The following ABHD6 variants were observed in gnomAD, a reference collection of about 807,000 sequenced individuals.
ABHD6 encodes abhydrolase domain containing 6, acylglycerol lipase.
Under a neutral mutation model 38.8 loss-of-function variants are expected in ABHD6, and 33 were observed. The ratio of observed to expected loss-of-function variants is 0.85; its 90% CI spans 0.64 to 1.14. The LOEUF is 1.14. ABHD6 is among the 50% of genes most tolerant of loss of function. The pLI, the probability that ABHD6 is intolerant of heterozygous loss-of-function variation, is 0.00. For synonymous variants in ABHD6, 147 were observed against 161.6 expected, an observed-to-expected ratio of 0.91 and a Z score of 0.69; for missense variants, 380 against 422.6, an observed-to-expected ratio of 0.90 and a Z score of 0.88.
At chr3:58,268,507 G>A (rs2097442618) in intron 4 of ABHD6, among the ~76,000 whole-genome samples, 1 of 152,152 alleles carries the variant, frequency 6.6e-6, no homozygotes, top group South Asian at 2.1e-4. Flanking sequence ...TGAAGGTTGG[G>A]GCTGGCAGAA....
rs1372461437 is a variant in ABHD6 at position 58,294,236 on chromosome 3, A to G, written c.*471A>G. On this transcript the variant is annotated 3_prime_UTR_variant, in exon 10 of 10. Transcript: ENST00000478253. ...TGTTTAGGTCTAATTTAAGTTTTAC[A>G]TAGAGACCCATGTATGACTGCAGCC... 1 of 153,708 alleles carries G rather than the reference A, an allele frequency of 6.5e-6. No homozygotes were observed. Among genetic ancestry groups the G allele is most frequent in the Non-Finnish European group, 1.4e-5 (1 of 69,058 alleles). The allele number at this position is 153,708 out of a possible 1,614,324, so 9.5% of individuals were successfully genotyped here. A position where few individuals can be genotyped will look rare whatever the true frequency, so the allele number is the denominator to read the frequency against.
At chr3:58,278,826 AC>A (rs1264967860) in intron 7 of ABHD6, among the ~76,000 whole-genome samples, 1 of 152,224 alleles carries the variant, frequency 6.6e-6, no homozygotes, top group Non-Finnish European at 1.5e-5. Context: ...GTTTCAAAGA[AC>A]ATCTTTATTT....
At chr3:58,244,099 C>T (rs1014368572) in intron 1 of ABHD6, among the ~76,000 whole-genome samples, 1 of 152,184 alleles carries the variant, frequency 6.6e-6, no homozygotes, top group Non-Finnish European at 1.5e-5. Flanking sequence ...TTTGGCTCTG[C>T]GTCTCTGCCT....
rs1408077938 is a variant in ABHD6 at position 58,251,405 on chromosome 3, T to A, written c.-26+1463T>A. 1.3e-5 allele frequency among the ~76,000 whole-genome samples: 2 copies of A among 152,232 alleles called. No homozygotes were observed. Among genetic ancestry groups the A allele is most frequent in the African/African-American group, 2.4e-5 (1 of 41,458 alleles). On this transcript the variant is annotated intron_variant, in intron 2 of 9. Transcript: ENST00000478253. This position sits in a 1 kb window ranked among gnomAD's most constrained non-coding sequence, Gnocchi z 5.4. ...TCTATGAGATTCTATGAAAGTGTTT[T>A]ACGTTGTTTATTCTTGGATTTTACT...
chr3:58,273,139 G>C lies in ABHD6; in HGVS notation c.524-1519G>C. Among the ~76,000 whole-genome samples the C allele has an allele frequency of 6.6e-6, 1 of 152,122 alleles. No homozygotes were observed. Among genetic ancestry groups the C allele is most frequent in the East Asian group, 1.9e-4 (1 of 5,198 alleles). ...ATAATGTCATCTGCTTCATGGCATC[G>C]TGAAAGCCATACATCATACCCATGT... On this transcript the variant is annotated intron_variant, in intron 6 of 9. Coordinates refer to ENST00000478253, the MANE Select transcript of ABHD6 (RefSeq NM_001320126.2). This position sits in a 1 kb window ranked among gnomAD's most constrained non-coding sequence, Gnocchi z 4.8.
intron 2 of ABHD6, among the ~76,000 whole-genome samples, chr3:58,250,593 A>T (rs1285810356): frequency 6.6e-6 from 1 of 152,146 alleles, no homozygotes. Context: ...ACCTGGACCC[A>T]GTGTGGTGGC....
At chr3:58,268,137 A>G (rs2097442432) in intron 4 of ABHD6, among the ~76,000 whole-genome samples, 1 of 152,136 alleles carries the variant, frequency 6.6e-6, no homozygotes, top group South Asian at 2.1e-4. Context: ...AAAATTATTG[A>G]GTTGAATATT....
At chr3:58,291,197 T>G (rs1287352691) in intron 9 of ABHD6, among the ~76,000 whole-genome samples, 2 of 55,674 alleles carry the variant, frequency 3.6e-5, no homozygotes, top group Non-Finnish European at 6.0e-5. Context: ...GCCAACACAG[T>G]GAAACCCGTC....
At chr3:58,282,339 T>C (rs2097453920) in intron 7 of ABHD6, among the ~76,000 whole-genome samples, 1 of 151,878 alleles carries the variant, frequency 6.6e-6, no homozygotes, top group Non-Finnish European at 1.5e-5. Context: ...ACTAGGATGG[T>C]AGCAATGGAG....
intron 9 of ABHD6, among the ~76,000 whole-genome samples, chr3:58,286,312 C>T (rs980618397): frequency 6.6e-6 from 1 of 151,880 alleles, no homozygotes. Context: ...AGCCACCACA[C>T]CTGGCAATTT....
chr3:58,274,941 C>T, intron 7 of ABHD6, 126 bp downstream of exon 7: 7 of 1,189,096 alleles, frequency 5.9e-6, no homozygotes, highest in East Asian at 4.7e-5. Flanking sequence ...TGCATATATT[C>T]AGCAAGTGTC....
At position 58,293,542 on chromosome 3, in the gene ABHD6, G is replaced by A. The variant is rs778797518; in HGVS notation, c.838-47G>A. ...TTCTGTCCACAGAGTGCACACGTGG[G>A]TGTCTGAATCTTTGTGTATCATCCA... On this transcript the variant is annotated intron_variant, in intron 9 of 9. Coordinates refer to ENST00000478253, the MANE Select transcript of ABHD6 (RefSeq NM_001320126.2). The surrounding 1 kb of genome is among the most constrained non-coding windows in gnomAD (Gnocchi z 4.4). The A allele has an allele frequency of 1.1e-5, 17 of 1,600,158 alleles. No homozygotes were observed. Among genetic ancestry groups the A allele is most frequent in the East Asian group, 2.2e-5 (1 of 44,740 alleles).
intron 2 of ABHD6, among the ~76,000 whole-genome samples, chr3:58,254,819 T>TATATATGTGTGTATATAC (rs1227592439): frequency 6.8e-6 from 1 of 146,676 alleles, no homozygotes; most frequent in Non-Finnish European, 1.5e-5. Flanking sequence ...TACTTTATGA[T>TATATATGTGTGTATATAC]ATATATGTGT....
chr3:58,284,210 C>T (rs1006266758), intron 7 of ABHD6, among the ~76,000 whole-genome samples: 2 of 152,130 alleles, frequency 1.3e-5, no homozygotes, highest in African/African-American at 4.8e-5. Flanking sequence ...GTGGCCTGTC[C>T]ACATTGGCTG....
rs1259568912 is a variant in ABHD6 at position 58,274,782 on chromosome 3, C to G, written c.648C>G (p.Leu216=). ...TPEEMSEMLQ[L]CSYVRFKVPQ... is the part of the protein sequence containing the mutation. ...AAGAGATGAGTGAAATGCTTCAGCT[C>G]TGCTCCTATGTCCGCTTCAAGGTGC... The change falls in exon 7 of 10, where the codon CTC becomes CTG. Residue 216 remains leucine, a synonymous_variant. Transcript: ENST00000478253. 6.2e-7 allele frequency: 1 copy of G among 1,614,246 alleles called. No homozygotes were observed. Among genetic ancestry groups the G allele is most frequent in the East Asian group, 2.2e-5 (1 of 44,896 alleles).
chr3:58,256,690 T>G lies in ABHD6; in HGVS notation c.104T>G (p.Ile35Arg). 1 of 1,612,402 alleles carries G rather than the reference T, an allele frequency of 6.2e-7. No homozygotes were observed. The highest frequency in any genetic ancestry group is 8.5e-7 in the Non-Finnish European group (1 of 1,179,568). Reference protein sequence around the residue: ...ASFLLWPSALIRIYYWYWRRT... With the variant: ...ASFLLWPSALRRIYYWYWRRT... Reference sequence around the variant, plus strand: ...TTTCTTCTGTGGCCTTCAGCACTGATAAGAATCTATTATTGGTAAGCCAGT... The same window carrying G: ...TTTCTTCTGTGGCCTTCAGCACTGAGAAGAATCTATTATTGGTAAGCCAGT... The change falls in exon 3 of 10, where the codon ATA becomes AGA. Residue 35 changes from isoleucine to arginine, a missense_variant. By Grantham distance (97) the Ile-to-Arg change is moderately conservative. Coordinates refer to ENST00000478253, the MANE Select transcript of ABHD6 (RefSeq NM_001320126.2). This position sits in a 1 kb window ranked among gnomAD's most constrained non-coding sequence, Gnocchi z 4.3.
rs1433673155 is a variant in ABHD6 at position 58,266,806 on chromosome 3, T to C, written c.120-383T>C. ...GCTGAGCTTTCAACCAGCTGCCATATGTTATGAGGAACAAAGCCAGAGGAC... is the reference window on the plus strand; with the variant it reads ...GCTGAGCTTTCAACCAGCTGCCATACGTTATGAGGAACAAAGCCAGAGGAC... On this transcript the variant is annotated intron_variant, in intron 3 of 9. Transcript: ENST00000478253. This position sits in a 1 kb window ranked among gnomAD's most constrained non-coding sequence, Gnocchi z 4.0. Among the ~76,000 whole-genome samples the C allele has an allele frequency of 2.0e-5, 3 of 152,222 alleles. No individual in the cohort carries two copies. The highest frequency in any genetic ancestry group is 2.1e-4 in the South Asian group (1 of 4,834).
intron 1 of ABHD6, among the ~76,000 whole-genome samples, chr3:58,244,361 A>G (rs938569843): frequency 3.3e-5 from 5 of 152,226 alleles, no homozygotes; most frequent in African/African-American, 9.6e-5. Context: ...GTGAGGCCAT[A>G]AGATATTTTT....
Position 58,293,707 on chromosome 3 carries a change from T to C in ABHD6, c.956T>C (p.Leu319Pro). The C allele has an allele frequency of 6.2e-7, 1 of 1,614,188 alleles. No individual in the cohort carries two copies. The highest frequency in any genetic ancestry group is 8.5e-7 in the Non-Finnish European group (1 of 1,180,026). ...VMERPRKTAK[L>P]IIDFLASVHN... ...GAAAGACCCAGGAAGACAGCCAAGC[T>C]CATAATCGACTTTTTAGCTTCTGTG... The change falls in exon 10 of 10, where the codon CTC (leucine) becomes CCC (proline). Residue 319 changes from leucine to proline, a missense_variant. Physicochemically the swap from Leu to Pro is moderately conservative, Grantham distance 98. Coordinates refer to ENST00000478253, the MANE Select transcript of ABHD6 (RefSeq NM_001320126.2). The surrounding 1 kb of genome is among the most constrained non-coding windows in gnomAD (Gnocchi z 4.4).
Sources: gnomAD v4.1 joint callset for allele counts (sites outside exome capture counted in the v4.1 genomes callset) on GRCh38, gnomAD v4.1.1 for gene constraint, Gnocchi (gnomAD v3.1) non-coding constraint, MANE v1.5 for transcripts, NCBI Gene and HGNC (gene_info 2026-07-23, HGNC 2026-07-21) for gene names.